AP1G2: variants seen among roughly 807,000 people sequenced by gnomAD.
AP1G2 encodes the protein adaptor related protein complex 1 subunit gamma 2, also known as AP-1 complex subunit gamma-like 2.
In AP1G2, 85 loss-of-function variants were observed where a neutral mutation model predicts 95.8. The ratio of observed to expected loss-of-function variants is 0.89; its 90% CI spans 0.74 to 1.06. AP1G2 has a LOEUF of 1.06. Ranked by LOEUF, AP1G2 falls within the 50% of genes least tolerant of loss-of-function variation. AP1G2 has a pLI of 0.00. For synonymous variants in AP1G2, 378 were observed against 400.0 expected, an observed-to-expected ratio of 0.94 and a Z score of 0.66; for missense variants, 967 against 1,005.8, an observed-to-expected ratio of 0.96 and a Z score of 0.52.
At chr14:23,563,155 G>A (rs1885939642) in intron 14 of AP1G2, 1 of 1,422,610 alleles carries the variant, frequency 7.0e-7, no homozygotes, top group East Asian at 2.6e-5. Flanking sequence ...GGTACATGGA[G>A]CATAAGGGAA....
At chr14:23,560,502 A>G in intron 19 of AP1G2, 84 bp from the exon 20 acceptor site, 1 of 1,412,706 alleles carries the variant, frequency 7.1e-7, no homozygotes. Flanking sequence ...TTGAGTAAAC[A>G]CCTACTGGCC....
chr14:23,562,578 C>T lies in AP1G2; in HGVS notation c.1426G>A (p.Val476Met), dbSNP rs777984139. The change falls in exon 15 of 22, where the codon GTG becomes ATG. Residue 476 changes from valine (V) to methionine (M), a missense_variant. Val to Met is a conservative substitution (Grantham distance 21). Coordinates refer to ENST00000397120, the MANE Select transcript of AP1G2 (RefSeq NM_003917.5). ...TACTCCCCAATGCACCAGGCTGCCA[C>T]CTGCACCAGTGGTTGCTACATGGGA... ...EDISQQPLVQ[V>M]AAWCIGEYGD... 4 of 1,614,082 alleles carry T rather than the reference C, an allele frequency of 2.5e-6. No individual in the cohort carries two copies. Among genetic ancestry groups the T allele is most frequent in the Non-Finnish European group, 3.4e-6 (4 of 1,179,964 alleles).
rs1566629150 is a variant in AP1G2, at chr14:23,562,282, T to C, written c.1628+6A>G. 1 of 1,613,944 alleles carries C rather than the reference T, an allele frequency of 6.2e-7. No individual in the cohort carries two copies. The highest frequency in any genetic ancestry group is 8.5e-7 in the Non-Finnish European group (1 of 1,179,976). ...CATCTCTCAAGGGGCTGGGACCCCT[T>C]CTTACTTGTTGTCCCCACAGAGGCG... is the stretch of plus-strand genomic sequence containing the variant. On this transcript the variant is annotated splice_donor_region_variant and intron_variant, in intron 16 of 21. Coordinates refer to ENST00000397120, the MANE Select transcript of AP1G2 (RefSeq NM_003917.5).
At chr14:23,564,228 A>G (rs1418984874) in intron 10 of AP1G2, 69 bp from the exon 11 acceptor site, 6 of 1,612,232 alleles carry the variant, frequency 3.7e-6, no homozygotes, top group East Asian at 2.2e-5. Context: ...TGTCCTGGGT[A>G]TAGGGATAAG....
Position 23,566,549 on chromosome 14 carries a change from A to G in AP1G2, c.329+13T>C, listed in dbSNP as rs763091893. On this transcript the variant is annotated intron_variant, in intron 3 of 21. Transcript: ENST00000397120. ...ATCTCCCTGATTCCAAGTGATTGCC[A>G]GAACCCTCTCACTTCTTGATGCTGT... The G allele has an allele frequency of 1.3e-5, 21 of 1,613,712 alleles. No homozygotes were observed. The highest frequency in any genetic ancestry group is 1.7e-5 in the Non-Finnish European group (20 of 1,179,712).
chr14:23,565,148 T>C lies in AP1G2; in HGVS notation c.793A>G (p.Ser265Gly). The change falls in exon 8 of 22, where the codon AGT becomes GGT. Residue 265 changes from serine to glycine, a missense_variant. Transcript: ENST00000397120. The stretch of plus-strand genomic sequence containing the variant: ...GCCAGCAAGTCATTCATGGTCTCAC[T>C]GCTCTCCTCGTGGTTCCGGCCCAGG... ...RILGRNHEES[S>G]ETMNDLLAQV... 1.2e-6 allele frequency: 2 copies of C among 1,614,242 alleles called. No homozygotes were observed. Among genetic ancestry groups the C allele is most frequent in the Non-Finnish European group, 1.7e-6 (2 of 1,180,036 alleles).
chr14:23,561,229 C>G, intron 19 of AP1G2, 67 bp downstream of exon 19: 1 of 1,501,954 alleles, frequency 6.7e-7, no homozygotes, highest in Non-Finnish European at 8.9e-7. Context: ...CAGCCCTTGG[C>G]TTAGGAGGAG....
chr14:23,567,423 G>C lies in AP1G2; in HGVS notation c.-5-104C>G. On this transcript the variant is annotated intron_variant, in intron 1 of 21. Coordinates refer to ENST00000397120, the MANE Select transcript of AP1G2 (RefSeq NM_003917.5). This position sits in a 1 kb window ranked among gnomAD's most constrained non-coding sequence, Gnocchi z 5.3. ...GACCCTAAGAGCCCGGGTCCCACAG[G>C]TACCCTAAAATTGCGCCCGCATTTT... The C allele has an allele frequency of 7.0e-7, 1 of 1,437,196 alleles. No individual in the cohort carries two copies. Among genetic ancestry groups the C allele is most frequent in the Non-Finnish European group, 9.1e-7 (1 of 1,102,382 alleles). The allele number at this position is 1,437,196 out of a possible 1,614,324, so 89.0% of individuals were successfully genotyped here.
chr14:23,567,115 C>A lies in AP1G2; in HGVS notation c.200G>T (p.Gly67Val). 1 of 1,609,974 alleles carries A rather than the reference C, an allele frequency of 6.2e-7. No individual in the cohort carries two copies. ...VHMLGYPAHF[G>V]QMECLKLIAS... ...GGAGGTATTCCTGGCCAGTACCTGT[C>A]CAAAGTGGGCGGGGTAGCCCAACAT... is the stretch of plus-strand genomic sequence containing the variant. The change falls in exon 2 of 22, where the codon GGA becomes GTA. Residue 67 changes from glycine (G) to valine (V), a missense_variant. Transcript: ENST00000397120. This position sits in a 1 kb window ranked among gnomAD's most constrained non-coding sequence, Gnocchi z 5.3.
Position 23,566,263 on chromosome 14 carries a change from G to A in AP1G2, c.471+15C>T. On this transcript the variant is annotated intron_variant, in intron 4 of 21. Coordinates refer to ENST00000397120, the MANE Select transcript of AP1G2 (RefSeq NM_003917.5). ...CAGTGTGCAGGAGCACGTGCCAGGA[G>A]TCCCGCCATCTCACCTTCTTGCGCA... is the stretch of plus-strand genomic sequence containing the variant. The A allele has an allele frequency of 6.2e-7, 1 of 1,613,364 alleles. No homozygotes were observed. Among genetic ancestry groups the A allele is most frequent in the Non-Finnish European group, 8.5e-7 (1 of 1,179,726 alleles).
intron 12 of AP1G2, 33 bp from the exon 13 acceptor site, chr14:23,563,671 T>C: frequency 6.2e-7 from 1 of 1,614,108 alleles, no homozygotes; most frequent in Non-Finnish European, 8.5e-7. Context: ...GTCCTGGTAC[T>C]GACGCTCCCC....
Position 23,562,424 on chromosome 14 carries a change from A to G in AP1G2, c.1501-9T>C, listed in dbSNP as rs781578753. The G allele has an allele frequency of 1.9e-6, 3 of 1,614,152 alleles. No individual in the cohort carries two copies. The highest frequency in any genetic ancestry group is 1.7e-5 in the Admixed American group (1 of 60,022). The stretch of plus-strand genomic sequence containing the variant: ...ACTTCCTCTTCGTCCACCTTCAGAC[A>G]TGGATACAGTTAGTGGCCCTGGTGC... On this transcript the variant is annotated splice_polypyrimidine_tract_variant and intron_variant, in intron 15 of 21. Coordinates refer to ENST00000397120, the MANE Select transcript of AP1G2 (RefSeq NM_003917.5).
chr14:23,567,499 A>G lies in AP1G2; in HGVS notation c.-5-180T>C. 14 of 1,387,724 alleles carry G rather than the reference A, an allele frequency of 1.0e-5. No individual in the cohort carries two copies. The highest frequency in any genetic ancestry group is 1.1e-5 in the Non-Finnish European group (12 of 1,079,032). 86.0% of individuals were successfully genotyped at this position (1,387,724 alleles called of 1,614,324 possible). A position where few individuals can be genotyped will look rare whatever the true frequency, so the allele number is the denominator to read the frequency against. On this transcript the variant is annotated intron_variant, in intron 1 of 21. Coordinates refer to ENST00000397120, the MANE Select transcript of AP1G2 (RefSeq NM_003917.5). The surrounding 1 kb of genome is among the most constrained non-coding windows in gnomAD (Gnocchi z 5.3). ...TTCCGCGCCCACCCCACCGCCCGAG[A>G]AGCCCACTACGCATGCGTCCGCACC...
At chr14:23,561,239 G>A in intron 19 of AP1G2, 57 bp downstream of exon 19, 3 of 1,505,596 alleles carry the variant, frequency 2.0e-6, no homozygotes, top group Non-Finnish European at 1.8e-6. Context: ...CTTAGGAGGA[G>A]GAGCAGTACA....
At chr14:23,561,920 C>T in intron 17 of AP1G2, 42 bp downstream of exon 17, 3 of 1,564,462 alleles carry the variant, frequency 1.9e-6, no homozygotes, top group Non-Finnish European at 2.6e-6. Flanking sequence ...TGGGAGAGGG[C>T]AGGGGTTTGG....
chr14:23,563,941 C>T (rs1006254208), intron 11 of AP1G2, 85 bp from the exon 12 acceptor site: 4 of 1,598,476 alleles, frequency 2.5e-6, no homozygotes, highest in Non-Finnish European at 3.4e-6. Flanking sequence ...AGGGACCTGT[C>T]CCCCTTAGTC....
At chr14:23,562,746 T>TA (rs879795263) in intron 14 of AP1G2, 153 bp from the exon 15 acceptor site, 4,764 of 545,946 alleles carry the variant, frequency 8.7e-3, no homozygotes, top group Middle Eastern at 9.8e-3. Flanking sequence ...ATCTCTATTT[T>TA]AAAAAAAAAA....
chr14:23,565,583 A>G (rs748633920), intron 7 of AP1G2, 23 bp downstream of exon 7: 4 of 1,581,056 alleles, frequency 2.5e-6, no homozygotes, highest in Non-Finnish European at 3.5e-6. Context: ...ATCCAGGGAT[A>G]CAGCAGTGAA....
At chr14:23,565,543 G>T in intron 7 of AP1G2, 63 bp downstream of exon 7, 2 of 1,414,450 alleles carry the variant, frequency 1.4e-6, no homozygotes, top group South Asian at 1.2e-5. Context: ...GGAAACCACT[G>T]GTCATGGTCT....
Sources: allele counts gnomAD v4.1 joint callset, GRCh38; gene constraint gnomAD v4.1.1; non-coding constraint Gnocchi (gnomAD v3.1); transcripts MANE v1.5; gene names NCBI Gene and HGNC (gene_info 2026-07-23, HGNC 2026-07-21).